Variants in GOLGA4 observed in about 807,000 individuals in gnomAD.
GOLGA4 encodes golgin A4.
Under a neutral mutation model 265.9 loss-of-function variants are expected in GOLGA4, and 169 were observed. That is an observed-to-expected ratio of 0.64 (90% CI 0.56 to 0.72). The LOEUF is 0.72. Ranked by LOEUF, GOLGA4 falls within the 30% of genes least tolerant of loss-of-function variation. The probability of loss-of-function intolerance (pLI) is 0.00; values close to 1 mark genes in which losing one functional copy is unlikely to be tolerated. For synonymous variants in GOLGA4, 923 were observed against 855.8 expected, an observed-to-expected ratio of 1.08 and a Z score of -1.37; for missense variants, 2,482 against 2,483.4, an observed-to-expected ratio of 1.00 and a Z score of 0.01.
chr3:37,350,978 A>G (rs945589613), intron 21 of GOLGA4, among the ~76,000 whole-genome samples: 1 of 151,978 alleles, frequency 6.6e-6, no homozygotes, highest in African/African-American at 2.4e-5. Flanking sequence ...TGTCTGTGGC[A>G]TTTTCCTAAG....
At chr3:37,286,951 GA>G (rs1307844879) in intron 4 of GOLGA4, among the ~76,000 whole-genome samples, 1 of 152,188 alleles carries the variant, frequency 6.6e-6, no homozygotes, top group African/African-American at 2.4e-5. Flanking sequence ...ATTGGCTATG[GA>G]AATTTCCCAC....
At chr3:37,252,976 T>G (rs1045023385) in intron 2 of GOLGA4, among the ~76,000 whole-genome samples, 3 of 152,208 alleles carry the variant, frequency 2.0e-5, no homozygotes, top group Non-Finnish European at 2.9e-5. Flanking sequence ...AGGCCAAGTA[T>G]GGTGGCTCAT....
intron 2 of GOLGA4, among the ~76,000 whole-genome samples, chr3:37,255,315 C>T (rs2096745545): frequency 1.3e-5 from 2 of 152,142 alleles, no homozygotes; most frequent in Admixed American, 1.3e-4. Context: ...GCACCCACCA[C>T]CATGCCTGGC....
At chr3:37,360,203 T>C (rs1204461518) in intron 22 of GOLGA4, among the ~76,000 whole-genome samples, 1 of 152,218 alleles carries the variant, frequency 6.6e-6, no homozygotes. Context: ...ATTTTTATAT[T>C]ATTCCACCTT....
At chr3:37,255,769 T>C (rs1485278732) in intron 2 of GOLGA4, among the ~76,000 whole-genome samples, 1 of 151,936 alleles carries the variant, frequency 6.6e-6, no homozygotes, top group Non-Finnish European at 1.5e-5. Flanking sequence ...TTTTTGTTTT[T>C]TGAGACAGGG....
At chr3:37,330,908 A>G (rs916433404) in intron 16 of GOLGA4, among the ~76,000 whole-genome samples, 3 of 152,068 alleles carry the variant, frequency 2.0e-5, no homozygotes, top group Non-Finnish European at 2.9e-5. Context: ...ATGTGCTTGT[A>G]ATCCCAGCTA....
intron 4 of GOLGA4, 129 bp from the exon 5 acceptor site, chr3:37,289,106 C>T (rs1448772525): frequency 5.2e-6 from 3 of 578,718 alleles, no homozygotes; most frequent in South Asian, 2.5e-5. Flanking sequence ...TAGGCTTGTC[C>T]TCTATCTTCA....
chr3:37,360,341 C>G (rs925404366), intron 22 of GOLGA4, among the ~76,000 whole-genome samples: 3 of 152,114 alleles, frequency 2.0e-5, no homozygotes, highest in African/African-American at 7.2e-5. Flanking sequence ...ACTTTACAAG[C>G]ATAGACATAG....
At position 37,359,013 on chromosome 3, in the gene GOLGA4, G is replaced by C. The variant is rs533819089; in HGVS notation, c.6664-2230G>C. ...AAGTATAAAATCTTGTTTTATATTT[G>C]TTTCAAGTAGGAAAAAGAATTGCCT... On this transcript the variant is annotated intron_variant, in intron 22 of 23. Coordinates refer to ENST00000361924, the MANE Select transcript of GOLGA4 (RefSeq NM_002078.5). Among the ~76,000 whole-genome samples, 26 of 152,262 alleles carry C rather than the reference G, an allele frequency of 1.7e-4. 1 individual carries two copies. The South Asian group carries it at 5.4e-3, about 32-fold the overall frequency.
At chr3:37,273,567 A>G in intron 2 of GOLGA4, 3 of 1,514,350 alleles carry the variant, frequency 2.0e-6, no homozygotes, top group African/African-American at 1.4e-5. Flanking sequence ...AAATCTCCTG[A>G]CAGTGTTAAT....
In GOLGA4 at chr3:37,351,423, T is replaced by C. The variant is rs145255221; in HGVS notation, c.6577-3678T>C. 2.7e-3 allele frequency among the ~76,000 whole-genome samples: 407 copies of C among 152,272 alleles called. 3 individuals are homozygous for C. The highest frequency in any genetic ancestry group is 9.4e-3 in the African/African-American group (392 of 41,570). ...GTTGGAATCTTCTTCCAAACCCCTG[T>C]TAATGTTGACATTTTGATCTCTTCC... is the stretch of plus-strand genomic sequence containing the variant. On this transcript the variant is annotated intron_variant, in intron 21 of 23. Coordinates refer to ENST00000361924, the MANE Select transcript of GOLGA4 (RefSeq NM_002078.5).
chr3:37,337,221 T>TCTGTTGCCCAGG lies in GOLGA4; in HGVS notation c.6327+74_6327+85dup, dbSNP rs528075728. 12 of 932,306 alleles carry TCTGTTGCCCAGG rather than the reference T, an allele frequency of 1.3e-5. No individual in the cohort carries two copies. In the African/African-American group the frequency reaches 2.0e-4, roughly 16 times the overall value. 57.8% of individuals were successfully genotyped at this position (932,306 alleles called of 1,614,324 possible). ...TTTTTTCTTTGAGACAGATTCTCAC[T>TCTGTTGCCCAGG]CTGTTGCCCAGGCTGTTGCCCAGGC... On this transcript the variant is annotated intron_variant, in intron 18 of 23. Coordinates refer to ENST00000361924, the MANE Select transcript of GOLGA4 (RefSeq NM_002078.5).
At chr3:37,286,598 T>C (rs773066301) in intron 4 of GOLGA4, among the ~76,000 whole-genome samples, 6 of 152,216 alleles carry the variant, frequency 3.9e-5, no homozygotes, top group Non-Finnish European at 7.3e-5. Flanking sequence ...ATGAGCTTCC[T>C]TGAGTTACAG....
At chr3:37,279,046 A>G (rs1039936727) in intron 2 of GOLGA4, among the ~76,000 whole-genome samples, 1 of 152,206 alleles carries the variant, frequency 6.6e-6, no homozygotes, top group Admixed American at 6.5e-5. Flanking sequence ...AAAACAATGT[A>G]TATACACAAA....
intron 21 of GOLGA4, among the ~76,000 whole-genome samples, chr3:37,348,420 G>A (rs922620736): frequency 6.6e-5 from 10 of 151,492 alleles, no homozygotes; most frequent in Non-Finnish European, 1.5e-4. Context: ...TTTCCTCAAT[G>A]CCATTTTTCA....
chr3:37,246,300 C>T (rs1379628459), intron 1 of GOLGA4, among the ~76,000 whole-genome samples: 1 of 148,512 alleles, frequency 6.7e-6, no homozygotes, highest in Non-Finnish European at 1.5e-5. Context: ...GAGCGAGACT[C>T]CGTCTCAAAA....
At chr3:37,259,937 C>T (rs980723875) in intron 2 of GOLGA4, among the ~76,000 whole-genome samples, 3 of 152,082 alleles carry the variant, frequency 2.0e-5, no homozygotes, top group African/African-American at 7.2e-5. Flanking sequence ...GAGTTGTGGT[C>T]TTGAATTTGA....
chr3:37,257,928 TATATATA>T lies in GOLGA4; in HGVS notation c.162+6445_162+6451del, dbSNP rs1560279508. On this transcript the variant is annotated intron_variant, in intron 2 of 23. Transcript: ENST00000361924. ...ATATATATATATGTATGTATATATG[TATATATA>T]CATACATATATATGTATGTATATAT... Among the ~76,000 whole-genome samples the T allele has an allele frequency of 2.1e-4, 24 of 114,294 alleles. 4 individuals carry two copies. The highest frequency in any genetic ancestry group is 1.1e-3 in the Admixed American group (12 of 10,982). The allele number at this position is 114,294 out of a possible 152,430, so 75.0% of individuals were successfully genotyped here.
Position 37,321,757 on chromosome 3 carries a change from G to T in GOLGA4, c.1572G>T (p.Lys524Asn), listed in dbSNP as rs1342149249. 2 of 1,609,322 alleles carry T rather than the reference G, an allele frequency of 1.2e-6. No individual in the cohort carries two copies. The highest frequency in any genetic ancestry group is 2.2e-5 in the East Asian group (1 of 44,836). ...ALEKSQSEYL[K>N]ISQEKEQQES... Reference sequence around the variant, plus strand: ...AAAAGAGTCAATCAGAATATTTGAAGATCAGCCAAGAAAAAGAACAGCAAG... The same window carrying T: ...AAAAGAGTCAATCAGAATATTTGAATATCAGCCAAGAAAAAGAACAGCAAG... The change falls in exon 13 of 24, where the codon AAG becomes AAT. Residue 524 changes from lysine to asparagine, a missense_variant. This residue lies in a region of GOLGA4 where 1,536 missense variants were observed against 1,483.7 expected (regional missense o/e 1.04). Coordinates refer to ENST00000361924, the MANE Select transcript of GOLGA4 (RefSeq NM_002078.5).
Sources: allele counts gnomAD v4.1 joint callset (sites outside exome capture counted in the v4.1 genomes callset), GRCh38; gene constraint gnomAD v4.1.1; regional missense constraint gnomAD v4.1.1; transcripts MANE v1.5; gene names NCBI Gene and HGNC (gene_info 2026-07-23, HGNC 2026-07-21).